CDH8: variants seen among roughly 807,000 people sequenced by gnomAD.
The protein encoded by CDH8 is cadherin 8, also known as cadherin-8.
A neutral mutation model predicts 68.1 loss-of-function variants in CDH8; 17 were observed. That is an observed-to-expected ratio of 0.25 (90% confidence interval 0.17 to 0.37). The LOEUF is 0.37. Among genes scored for constraint, CDH8 ranks in the 10% least tolerant of loss-of-function variants. CDH8 has a pLI of 1.00. For synonymous variants in CDH8, 372 were observed against 365.1 expected, an observed-to-expected ratio of 1.02 and a Z score of -0.21; for missense variants, 763 against 999.3, an observed-to-expected ratio of 0.76 and a Z score of 3.19.
rs895808933 is a variant in CDH8, at chr16:61,857,685, C to A, written c.548-447G>T. Among the ~76,000 whole-genome samples, 3 of 152,066 alleles carry A rather than the reference C, an allele frequency of 2.0e-5. No homozygotes were observed. The East Asian group carries it at 5.8e-4, about 29-fold the overall frequency. On this transcript the variant is annotated intron_variant, in intron 3 of 11. Coordinates refer to ENST00000577390, the MANE Select transcript of CDH8 (RefSeq NM_001796.5). ...AGAAATATCAAAAGAATATTTTATA[C>A]CATCTTGTTTAATTATTCAGAATAT...
chr16:62,012,551 G>A (rs1901838534), intron 2 of CDH8, among the ~76,000 whole-genome samples: 1 of 152,132 alleles, frequency 6.6e-6, no homozygotes, highest in Non-Finnish European at 1.5e-5. Context: ...CCAAGAATTT[G>A]CTATGAATGG....
intron 7 of CDH8, among the ~76,000 whole-genome samples, chr16:61,812,993 G>A (rs1024907361): frequency 9.2e-5 from 14 of 152,032 alleles, no homozygotes; most frequent in South Asian, 4.2e-4. Flanking sequence ...GTATGGTGTC[G>A]GATTCATCAA....
rs543607290 is a variant in CDH8, at chr16:61,842,054, A to ATTTT, written c.667+15061_667+15064dup. Reference sequence around the variant, plus strand: ...AGTTGCCTGCCACCACGCCCGGCTAATTTTTTTTTTTTTTTTTGTATTTTT... The same window carrying ATTTT: ...AGTTGCCTGCCACCACGCCCGGCTAATTTTTTTTTTTTTTTTTTTTTGTATTTTT... On this transcript the variant is annotated intron_variant, in intron 4 of 11. Transcript: ENST00000577390. Among the ~76,000 whole-genome samples the ATTTT allele has an allele frequency of 5.1e-4, 68 of 132,378 alleles. No homozygotes were observed. The East Asian group carries it at 6.5e-3, about 13-fold the overall frequency. 86.8% of individuals were successfully genotyped at this position (132,378 alleles called of 152,430 possible).
intron 3 of CDH8, among the ~76,000 whole-genome samples, chr16:61,880,594 G>T (rs1414112037): frequency 6.6e-6 from 1 of 152,170 alleles, no homozygotes; most frequent in African/African-American, 2.4e-5. Context: ...TGACTTCACA[G>T]TTGAGAAGTA....
At chr16:61,881,107 G>A (rs1026655601) in intron 3 of CDH8, among the ~76,000 whole-genome samples, 1 of 152,152 alleles carries the variant, frequency 6.6e-6, no homozygotes, top group East Asian at 1.9e-4. Context: ...AACCTTGATT[G>A]CAGCCCATGA....
chr16:61,982,288 C>T (rs1965546854), intron 2 of CDH8, among the ~76,000 whole-genome samples: 2 of 152,088 alleles, frequency 1.3e-5, no homozygotes, highest in East Asian at 1.9e-4. Flanking sequence ...GGCGCGATCT[C>T]GGCTCAATGC....
Position 61,919,960 on chromosome 16 carries a change from C to G in CDH8, c.253-18487G>C, listed in dbSNP as rs550745135. 1.9e-3 allele frequency among the ~76,000 whole-genome samples: 294 copies of G among 152,174 alleles called. 1 individual carries two copies. Among genetic ancestry groups the G allele is most frequent in the African/African-American group, 6.8e-3 (282 of 41,502 alleles). On this transcript the variant is annotated intron_variant, in intron 2 of 11. Transcript: ENST00000577390. ...CAGAAATAATGCCGCATATCTACAA[C>G]TATCTGATCTTTGACAAACCTGAGA...
chr16:61,791,083 GA>G (rs1031571083), intron 7 of CDH8, among the ~76,000 whole-genome samples: 1 of 151,736 alleles, frequency 6.6e-6, no homozygotes, highest in Non-Finnish European at 1.5e-5. Flanking sequence ...GAAATCATTT[GA>G]AAAAATATAT....
intron 3 of CDH8, among the ~76,000 whole-genome samples, chr16:61,867,900 T>G (rs973617288): frequency 6.6e-6 from 1 of 152,148 alleles, no homozygotes; most frequent in Non-Finnish European, 1.5e-5. Flanking sequence ...CCTTTTAGAC[T>G]AAAAGCTTCT....
At chr16:61,982,408 A>G (rs1041781656) in intron 2 of CDH8, among the ~76,000 whole-genome samples, 1 of 151,860 alleles carries the variant, frequency 6.6e-6, no homozygotes, top group African/African-American at 2.4e-5. Context: ...TTTAGTAGAG[A>G]TGGGGTTTCA....
chr16:61,814,504 A>G (rs1596991007), intron 7 of CDH8, among the ~76,000 whole-genome samples: 1 of 152,344 alleles, frequency 6.6e-6, no homozygotes, highest in East Asian at 1.9e-4. Context: ...GTGCTCTAAA[A>G]AGAAATTGAA....
chr16:61,838,400 A>G (rs910192564), intron 4 of CDH8, among the ~76,000 whole-genome samples: 1 of 152,100 alleles, frequency 6.6e-6, no homozygotes, highest in African/African-American at 2.4e-5. Context: ...GCTTCCTTCA[A>G]TTCAACTCAA....
chr16:61,917,362 A>G (rs1239761145), intron 2 of CDH8, among the ~76,000 whole-genome samples: 1 of 152,076 alleles, frequency 6.6e-6, no homozygotes, highest in East Asian at 1.9e-4. Context: ...ACATCCTGAG[A>G]TATGGAAAGA....
Position 61,647,765 on chromosome 16 carries a change from T to A in CDH8, c.*5843A>T. The A allele has an allele frequency of 2.9e-6, 2 of 698,100 alleles. No homozygotes were observed. Among genetic ancestry groups the A allele is most frequent in the Non-Finnish European group, 5.2e-6 (2 of 381,998 alleles). The allele number at this position is 698,100 out of a possible 1,614,324, so 43.2% of individuals were successfully genotyped here. A position where few individuals can be genotyped will look rare whatever the true frequency, so the allele number is the denominator to read the frequency against. ...AAATCCCAAGAAATTAACATTTGGC[T>A]TTGGTGACCTCTCATTTCCTTTTCT... is the stretch of plus-strand genomic sequence containing the variant. On this transcript the variant is annotated 3_prime_UTR_variant, in exon 12 of 12. Transcript: ENST00000577390.
intron 4 of CDH8, among the ~76,000 whole-genome samples, chr16:61,853,587 T>C (rs1348838833): frequency 2.0e-5 from 3 of 152,102 alleles, no homozygotes; most frequent in African/African-American, 7.2e-5. Context: ...TGGTGATGTG[T>C]AATGGTATTC....
Position 61,966,727 on chromosome 16 carries a change from T to A in CDH8, c.252+54425A>T, listed in dbSNP as rs575620944. Among the ~76,000 whole-genome samples, 6 of 152,266 alleles carry A rather than the reference T, an allele frequency of 3.9e-5. No individual in the cohort carries two copies. In the South Asian group the frequency reaches 1.2e-3, roughly 32 times the overall value. ...ATCAAAATTAAATCAACTAAATCAA[T>A]GCATTCTAAAATATAGAAATAAACA... On this transcript the variant is annotated intron_variant, in intron 2 of 11. Coordinates refer to ENST00000577390, the MANE Select transcript of CDH8 (RefSeq NM_001796.5).
chr16:61,822,565 C>T (rs1962241521), intron 5 of CDH8, among the ~76,000 whole-genome samples: 2 of 151,798 alleles, frequency 1.3e-5, no homozygotes, highest in Admixed American at 6.6e-5. Flanking sequence ...AGCACTAACA[C>T]CCCTTTATTT....
rs148271248 is a variant in CDH8 at position 61,685,275 on chromosome 16, A to C, written c.1654+28566T>G. Among the ~76,000 whole-genome samples the C allele has an allele frequency of 6.3e-4, 96 of 151,940 alleles. 1 individual carries two copies. The highest frequency in any genetic ancestry group is 2.1e-3 in the African/African-American group (87 of 41,496). On this transcript the variant is annotated intron_variant, in intron 10 of 11. Coordinates refer to ENST00000577390, the MANE Select transcript of CDH8 (RefSeq NM_001796.5). ...GAGATTGTCCAGTGTGATATCATTG[A>C]AGGTAAAAATGGCAAATTAAAGCAA...
chr16:61,856,783 C>G (rs1050012988), intron 4 of CDH8, among the ~76,000 whole-genome samples: 2 of 152,120 alleles, frequency 1.3e-5, no homozygotes, highest in East Asian at 3.9e-4. Flanking sequence ...AGATACTTTT[C>G]AAGCATCACA....
Sources: allele counts gnomAD v4.1 joint callset (sites outside exome capture counted in the v4.1 genomes callset), GRCh38; gene constraint gnomAD v4.1.1; transcripts MANE v1.5; gene names NCBI Gene and HGNC (gene_info 2026-07-23, HGNC 2026-07-21).